WDR88: variants seen among roughly 807,000 people sequenced by gnomAD.
WDR88 encodes WD repeat domain 88, also known as WD repeat-containing protein 88.
In WDR88, 40 loss-of-function variants were observed where a neutral mutation model predicts 46.8. That is an observed-to-expected ratio of 0.86 (90% CI 0.66 to 1.11). The LOEUF (loss-of-function observed/expected upper bound fraction) is 1.11. Ranked by LOEUF, WDR88 falls within the 50% of genes most tolerant of loss-of-function variation. WDR88 has a pLI of 0.00. For synonymous variants in WDR88, 235 were observed against 240.7 expected (o/e 0.98, Z 0.22); for missense variants, 562 against 602.4 (o/e 0.93, Z 0.70).
chr19:33,142,231 G>A (rs1352266297), intron 2 of WDR88, among the ~76,000 whole-genome samples: 1 of 152,124 alleles, frequency 6.6e-6, no homozygotes, highest in African/African-American at 2.4e-5. Flanking sequence ...GATGGAAGAA[G>A]AGAGCCAGGG....
At chr19:33,159,176 A>C (rs903738211) in intron 7 of WDR88, among the ~76,000 whole-genome samples, 24 of 151,732 alleles carry the variant, frequency 1.6e-4, no homozygotes, top group East Asian at 5.8e-4. Context: ...ACCAAAACAA[A>C]AAAAAAAAAT....
chr19:33,149,822 G>A (rs1031255194), intron 5 of WDR88, among the ~76,000 whole-genome samples: 2 of 151,978 alleles, frequency 1.3e-5, no homozygotes. Flanking sequence ...ACCACGCCCA[G>A]CTAATTTTTG....
chr19:33,156,453 A>C lies in WDR88; in HGVS notation c.908A>C (p.His303Pro). ...AAAAACTTAAAAATATGGAACGTCCACACAGGGGAGTTTCGAAACTGTGGA... is the reference window on the plus strand; with the variant it reads ...AAAAACTTAAAAATATGGAACGTCCCCACAGGGGAGTTTCGAAACTGTGGA... ...WDKNLKIWNV[H>P]TGEFRNCGAC... Residue 303 changes from histidine to proline, a missense_variant, in exon 7 of 11, where the codon CAC becomes CCC. By Grantham distance (77) the His-to-Pro change is moderately conservative. Coordinates refer to ENST00000355868, the MANE Select transcript of WDR88 (RefSeq NM_173479.4). 6.2e-7 allele frequency: 1 copy of C among 1,614,208 alleles called. No homozygotes were observed. The highest frequency in any genetic ancestry group is 8.5e-7 in the Non-Finnish European group (1 of 1,180,036).
chr19:33,157,360 T>C (rs897912009), intron 7 of WDR88, among the ~76,000 whole-genome samples: 13 of 150,934 alleles, frequency 8.6e-5, no homozygotes, highest in Non-Finnish European at 4.4e-5. Flanking sequence ...TAGCCAGGTG[T>C]GGTGGTGGAT....
At chr19:33,163,957 A>G (rs1973912572) in intron 8 of WDR88, among the ~76,000 whole-genome samples, 2 of 151,464 alleles carry the variant, frequency 1.3e-5, no homozygotes, top group Admixed American at 1.3e-4. Context: ...TGTAAGCAAC[A>G]CTGGGTTCTT....
At chr19:33,163,073 C>T (rs1373513271) in intron 8 of WDR88, among the ~76,000 whole-genome samples, 2 of 152,070 alleles carry the variant, frequency 1.3e-5, no homozygotes, top group African/African-American at 4.8e-5. Flanking sequence ...GTGGCTCACG[C>T]CTGTAATCCC....
At chr19:33,157,526 T>TCA (rs1973761250) in intron 7 of WDR88, among the ~76,000 whole-genome samples, 1 of 41,320 alleles carries the variant, frequency 2.4e-5, no homozygotes, top group East Asian at 2.9e-3. Flanking sequence ...TATATATGTG[T>TCA]ATATATATAT....
At chr19:33,139,603 C>T (rs988385979) in intron 2 of WDR88, among the ~76,000 whole-genome samples, 7 of 152,044 alleles carry the variant, frequency 4.6e-5, no homozygotes, top group Non-Finnish European at 7.4e-5. Flanking sequence ...GCATGAAGAT[C>T]GGAAATAAAG....
intron 2 of WDR88, among the ~76,000 whole-genome samples, chr19:33,143,895 T>C (rs1973454236): frequency 6.6e-6 from 1 of 152,162 alleles, no homozygotes; most frequent in South Asian, 2.1e-4. Context: ...CCAAATATTG[T>C]CACATCTCCT....
chr19:33,163,471 G>C (rs1009017900), intron 8 of WDR88, among the ~76,000 whole-genome samples: 2 of 152,032 alleles, frequency 1.3e-5, no homozygotes, highest in East Asian at 1.9e-4. Context: ...ACTCCAGCCT[G>C]GGCGACAAGA....
chr19:33,156,219 G>A (rs1973731332), intron 6 of WDR88, 136 bp from the exon 7 acceptor site: 1 of 780,942 alleles, frequency 1.3e-6, no homozygotes, highest in Non-Finnish European at 2.0e-6. Context: ...ATGTCTTCAG[G>A]TCCTCTTGGG....
chr19:33,137,841 G>A, intron 2 of WDR88, 54 bp downstream of exon 2: 2 of 1,497,242 alleles, frequency 1.3e-6, no homozygotes, highest in South Asian at 1.2e-5. Flanking sequence ...CTAAGCTTAG[G>A]CACCTCCTGT....
Position 33,156,542 on chromosome 19 carries a change from A to C in WDR88, c.997A>C (p.Ser333Arg). Residue 333 changes from serine (S) to arginine (R), a missense_variant and splice_region_variant, in exon 7 of 11, where the codon AGC becomes CGC. By Grantham distance (110) the Ser-to-Arg change is moderately radical (BLOSUM62 -1). Transcript: ENST00000355868. ...SVSSCHFARDSSFLISGGFDR... is the reference protein window; with the variant it reads ...SVSSCHFARDRSFLISGGFDR... Reference sequence around the variant, plus strand: ...CAGTTCCTGTCACTTTGCCAGAGACAGTGAGTAATTAACATGCAGAAGGCC... The same window carrying C: ...CAGTTCCTGTCACTTTGCCAGAGACCGTGAGTAATTAACATGCAGAAGGCC... The C allele has an allele frequency of 6.2e-7, 1 of 1,611,956 alleles. No individual in the cohort carries two copies. Among genetic ancestry groups the C allele is most frequent in the African/African-American group, 1.3e-5 (1 of 74,924 alleles).
At chr19:33,174,838 A>C (rs1568374333) in intron 10 of WDR88, 1 of 984,902 alleles carries the variant, frequency 1.0e-6, no homozygotes, top group Non-Finnish European at 1.2e-6. Flanking sequence ...GGCAGGAGAC[A>C]TGAGCTGGCA....
In WDR88 at chr19:33,154,723, TTTAAACC is replaced by T. The variant is rs139620438; in HGVS notation, c.810-1630_810-1624del. Reference sequence around the variant, plus strand: ...TATAATCCTCTGGGTATACCTCTGGTTTAAACCTCAATGACAGTGTCTGGCTGCTGGG... The same window carrying T: ...TATAATCCTCTGGGTATACCTCTGGTTCAATGACAGTGTCTGGCTGCTGGG... On this transcript the variant is annotated intron_variant, in intron 6 of 10. Coordinates refer to ENST00000355868, the MANE Select transcript of WDR88 (RefSeq NM_173479.4). 8.9e-3 allele frequency among the ~76,000 whole-genome samples: 1,355 copies of T among 152,330 alleles called. 15 individuals carry two copies. The highest frequency in any genetic ancestry group is 0.031 in the African/African-American group (1,308 of 41,576).
At position 33,137,047 on chromosome 19, in the gene WDR88, C is replaced by T. The variant is rs146591282; in HGVS notation, c.277-630C>T. ...CTGGGCTCAAGTAGTCCTCCCGCCTCAGCCTCCTGAGTGGCTGGGACTACA... is the reference window on the plus strand; with the variant it reads ...CTGGGCTCAAGTAGTCCTCCCGCCTTAGCCTCCTGAGTGGCTGGGACTACA... On this transcript the variant is annotated intron_variant, in intron 1 of 10. Coordinates refer to ENST00000355868, the MANE Select transcript of WDR88 (RefSeq NM_173479.4). Among the ~76,000 whole-genome samples, 424 of 152,070 alleles carry T rather than the reference C, an allele frequency of 2.8e-3. 1 individual carries two copies. Among genetic ancestry groups the T allele is most frequent in the African/African-American group, 9.9e-3 (411 of 41,514 alleles).
intron 4 of WDR88, 141 bp from the exon 5 acceptor site, chr19:33,148,631 G>A: frequency 2.0e-6 from 2 of 1,006,864 alleles, no homozygotes; most frequent in Non-Finnish European, 3.0e-6. Context: ...TAGAGATGGA[G>A]ATCTTGCATG....
chr19:33,145,012 G>GT, intron 3 of WDR88, 80 bp downstream of exon 3: 2 of 1,392,952 alleles, frequency 1.4e-6, no homozygotes, highest in Non-Finnish European at 2.0e-6. Flanking sequence ...TGACATTTTT[G>GT]TTTTTGTTTT....
At chr19:33,156,309 C>A (rs1245054281) in intron 6 of WDR88, 46 bp from the exon 7 acceptor site, 1 of 1,588,528 alleles carries the variant, frequency 6.3e-7, no homozygotes, top group South Asian at 1.1e-5. Context: ...TTCAGGTCCT[C>A]CAGGAGCAAA....
Sources: gnomAD v4.1 joint callset for allele counts (sites outside exome capture counted in the v4.1 genomes callset) on GRCh38, gnomAD v4.1.1 for gene constraint, MANE v1.5 for transcripts, NCBI Gene and HGNC (gene_info 2026-07-23, HGNC 2026-07-21) for gene names.